The following TENT4A variants were observed in gnomAD, a reference collection of about 807,000 sequenced individuals.
TENT4A encodes terminal nucleotidyltransferase 4A, also known as DNA polymerase kappa.
Under a neutral mutation model 72.8 loss-of-function variants are expected in TENT4A, and 7 were observed. That is an observed-to-expected ratio of 0.10 (90% CI 0.05 to 0.18). The LOEUF is 0.18. Ranked by LOEUF, TENT4A falls within the 10% of genes least tolerant of loss-of-function variation. The pLI, the probability that TENT4A is intolerant of heterozygous loss-of-function variation, is 1.00. For synonymous variants in TENT4A, 456 were observed against 434.3 expected (o/e 1.05, Z -0.62); for missense variants, 831 against 1,017.7 (o/e 0.82, Z 2.50).
At position 6,713,593 on chromosome 5, in the gene TENT4A, T is replaced by C. The variant is rs1579440054; in HGVS notation, c.-391T>C. ...CCGCTCGGCGCCTGGGCCCGCCCCCTCGGCCCCGCCGCCCGCCCTTCTCCG... is the reference window on the plus strand; with the variant it reads ...CCGCTCGGCGCCTGGGCCCGCCCCCCCGGCCCCGCCGCCCGCCCTTCTCCG... On this transcript the variant is annotated 5_prime_UTR_variant, in exon 1 of 13. Transcript: ENST00000230859. 7.1e-6 allele frequency: 1 copy of C among 141,360 alleles called. No individual in the cohort carries two copies. The highest frequency in any genetic ancestry group is 2.6e-5 in the African/African-American group (1 of 38,108). 8.8% of individuals were successfully genotyped at this position (141,360 alleles called of 1,614,324 possible). A position where few individuals can be genotyped will look rare whatever the true frequency, so the allele number is the denominator to read the frequency against.
Position 6,719,253 on chromosome 5 carries a change from G to A in TENT4A, c.716+4554G>A, listed in dbSNP as rs562969063. Among the ~76,000 whole-genome samples the A allele has an allele frequency of 2.6e-4, 40 of 152,236 alleles. 1 individual carries two copies. The highest frequency in any genetic ancestry group is 8.3e-4 in the South Asian group (4 of 4,824). ...TCATTTTAAATGGATTCATGTAAGC[G>A]TCCTGTGGAAGAAGAGTTAATAGTT... On this transcript the variant is annotated intron_variant, in intron 1 of 12. Coordinates refer to ENST00000230859, the MANE Select transcript of TENT4A (RefSeq NM_006999.6).
At chr5:6,722,509 A>T (rs927309921) in intron 1 of TENT4A, among the ~76,000 whole-genome samples, 10 of 150,754 alleles carry the variant, frequency 6.6e-5, no homozygotes, top group Non-Finnish European at 1.2e-4. Flanking sequence ...ACAATGCCTT[A>T]ATGATGAATA....
At chr5:6,749,937 T>C (rs960681832) in intron 9 of TENT4A, among the ~76,000 whole-genome samples, 2 of 152,230 alleles carry the variant, frequency 1.3e-5, no homozygotes, top group African/African-American at 2.4e-5. Flanking sequence ...AGTCAAAATA[T>C]TAACATTTCA....
At chr5:6,738,097 G>A (rs1249857840) in intron 2 of TENT4A, among the ~76,000 whole-genome samples, 3 of 152,182 alleles carry the variant, frequency 2.0e-5, no homozygotes, top group Non-Finnish European at 4.4e-5. Context: ...TTGCAGTGAA[G>A]GAACAAGTGT....
At chr5:6,716,578 GCCA>G (rs919111008) in intron 1 of TENT4A, among the ~76,000 whole-genome samples, 1 of 152,156 alleles carries the variant, frequency 6.6e-6, no homozygotes, top group African/African-American at 2.4e-5. Context: ...AATCTTCTCT[GCCA>G]GCAGGTCTGG....
chr5:6,722,148 T>C (rs1467349076), intron 1 of TENT4A, among the ~76,000 whole-genome samples: 1 of 152,166 alleles, frequency 6.6e-6, no homozygotes, highest in Non-Finnish European at 1.5e-5. Flanking sequence ...TTAGCTGGTT[T>C]CGCCATGGTT....
chr5:6,743,384 A>G (rs1444209494), intron 5 of TENT4A, among the ~76,000 whole-genome samples: 2 of 152,060 alleles, frequency 1.3e-5, no homozygotes, highest in African/African-American at 2.4e-5. Flanking sequence ...CACTGTCCTC[A>G]TGGCCTGTGT....
At chr5:6,723,543 T>C (rs1740763649) in intron 1 of TENT4A, among the ~76,000 whole-genome samples, 1 of 152,066 alleles carries the variant, frequency 6.6e-6, no homozygotes, top group Non-Finnish European at 1.5e-5. Context: ...TGGCAAGAGG[T>C]GCTGCAGTTG....
At chr5:6,720,384 A>G (rs1485911408) in intron 1 of TENT4A, among the ~76,000 whole-genome samples, 2 of 152,006 alleles carry the variant, frequency 1.3e-5, no homozygotes, top group Non-Finnish European at 2.9e-5. Context: ...TTCTTGTCCA[A>G]CACTTTTCCC....
intron 6 of TENT4A, among the ~76,000 whole-genome samples, chr5:6,744,778 A>G (rs1460310642): frequency 6.6e-6 from 1 of 152,232 alleles, no homozygotes; most frequent in Non-Finnish European, 1.5e-5. Context: ...GCCCTTATAT[A>G]TAGCCTTTCT....
intron 1 of TENT4A, among the ~76,000 whole-genome samples, chr5:6,733,072 C>T (rs779416921): frequency 5.3e-5 from 8 of 152,332 alleles, no homozygotes; most frequent in South Asian, 4.1e-4. Context: ...TCAGTTTGTC[C>T]GTTTAGCTCC....
chr5:6,722,184 C>G (rs1047855933), intron 1 of TENT4A, among the ~76,000 whole-genome samples: 3 of 152,122 alleles, frequency 2.0e-5, no homozygotes, highest in South Asian at 2.1e-4. Context: ...AGTTTCCCCC[C>G]CTGTGAAGCA....
At chr5:6,737,700 A>T (rs1274664505) in intron 2 of TENT4A, 67 bp downstream of exon 2, 1 of 1,528,530 alleles carries the variant, frequency 6.5e-7, no homozygotes, top group South Asian at 1.2e-5. Context: ...CCCTGTGATG[A>T]TGATGTGTCG....
intron 8 of TENT4A, 78 bp from the exon 9 acceptor site, chr5:6,749,479 A>C (rs1251534694): frequency 7.2e-6 from 6 of 831,420 alleles, no homozygotes; most frequent in Non-Finnish European, 1.3e-5. Flanking sequence ...TAGGGGTATA[A>C]GGTAGCTGTT....
At chr5:6,717,879 TA>T (rs1479527308) in intron 1 of TENT4A, among the ~76,000 whole-genome samples, 1 of 152,234 alleles carries the variant, frequency 6.6e-6, no homozygotes, top group East Asian at 1.9e-4. Context: ...CTCTTCAGGT[TA>T]AGAGTCTTGC....
chr5:6,714,040 G>A lies in TENT4A; in HGVS notation c.57G>A (p.Leu19=). ...AGCAGAAGGGGCCGGCCAATGCCCTGTGGATGCAGATCTGGGAGACCTCGC... is the reference window on the plus strand; with the variant it reads ...AGCAGAAGGGGCCGGCCAATGCCCTATGGATGCAGATCTGGGAGACCTCGC... ...QPEQKGPANA[L]WMQIWETSQG... is the part of the protein sequence containing the mutation. The change falls in exon 1 of 13, where the codon CTG becomes CTA. Residue 19 remains leucine, a synonymous_variant. Transcript: ENST00000230859. 1.0e-6 allele frequency: 1 copy of A among 991,218 alleles called. No individual in the cohort carries two copies. The highest frequency in any genetic ancestry group is 1.8e-5 in the African/African-American group (1 of 56,904). The allele number at this position is 991,218 out of a possible 1,614,324, so 61.4% of individuals were successfully genotyped here. A position where few individuals can be genotyped will look rare whatever the true frequency, so the allele number is the denominator to read the frequency against.
intron 1 of TENT4A, among the ~76,000 whole-genome samples, chr5:6,734,652 CT>C (rs1302920712): frequency 6.6e-6 from 1 of 152,232 alleles, no homozygotes; most frequent in Non-Finnish European, 1.5e-5. Flanking sequence ...CAGTTGCTCA[CT>C]TTTAGGTGCA....
At position 6,751,159 on chromosome 5, in the gene TENT4A, A is replaced by G. The variant is rs1347804892; in HGVS notation, c.1981A>G (p.Thr661Ala). Residue 661 changes from threonine (T) to alanine (A), a missense_variant, in exon 11 of 13, where the codon ACC (threonine) becomes GCC (alanine). Physicochemically the swap from Thr to Ala is moderately conservative, Grantham distance 58. This residue lies in a region of TENT4A where 332 missense variants were observed against 324.3 expected (regional missense o/e 1.02). Coordinates refer to ENST00000230859, the MANE Select transcript of TENT4A (RefSeq NM_006999.6). ...AATGCCCAGTGGCAAACCTCAGCCC[A>G]CCACTTCCAGAACACTGATCATGAC... Reference protein sequence around the residue: ...LPMPSGKPQPTTSRTLIMTTN... With the variant: ...LPMPSGKPQPATSRTLIMTTN... 1.1e-5 allele frequency: 17 copies of G among 1,614,150 alleles called. No individual in the cohort carries two copies. The highest frequency in any genetic ancestry group is 1.4e-5 in the Non-Finnish European group (17 of 1,180,020).
chr5:6,749,744 T>C, intron 9 of TENT4A, 87 bp downstream of exon 9: 1 of 864,524 alleles, frequency 1.2e-6, no homozygotes, highest in Non-Finnish European at 1.9e-6. Context: ...GGTAAATTGG[T>C]CAAATTAAGA....
Sources: gnomAD v4.1 joint callset for allele counts (sites outside exome capture counted in the v4.1 genomes callset) on GRCh38, gnomAD v4.1.1 for gene constraint, gnomAD v4.1.1 regional missense constraint, MANE v1.5 for transcripts, NCBI Gene and HGNC (gene_info 2026-07-23, HGNC 2026-07-21) for gene names.